The following PTPRM variants were observed in gnomAD, a reference collection of about 807,000 sequenced individuals.
PTPRM encodes the protein receptor-type tyrosine-protein phosphatase mu.
PTPRM carries 47 observed loss-of-function variants against 186.7 expected under a neutral mutation model. The ratio of observed to expected loss-of-function variants is 0.25; its 90% CI spans 0.20 to 0.32. The LOEUF (loss-of-function observed/expected upper bound fraction) is 0.32. PTPRM is among the 10% of genes least tolerant of loss of function. The pLI is 1.00. For synonymous variants in PTPRM, 668 were observed against 674.9 expected (o/e 0.99, Z 0.16); for missense variants, 1,494 against 1,865.0 (o/e 0.80, Z 3.66).
intron 19 of PTPRM, among the ~76,000 whole-genome samples, chr18:8,258,467 A>G (rs1250574367): frequency 6.6e-6 from 1 of 152,122 alleles, no homozygotes; most frequent in Non-Finnish European, 1.5e-5. Context: ...AAGTGGCTTG[A>G]TACCACGTCA....
Position 8,220,332 on chromosome 18 carries a change from A to G in PTPRM, c.2301-23726A>G, listed in dbSNP as rs150262856. ...CCAACTTGCTTTTTTGAGCATGCAG[A>G]CATTACATAATGCAAGCCATTTATC... On this transcript the variant is annotated intron_variant, in intron 14 of 32. Transcript: ENST00000580170. Among the ~76,000 whole-genome samples, 15 of 152,350 alleles carry G rather than the reference A, an allele frequency of 9.8e-5. No homozygotes were observed. The East Asian group carries it at 2.9e-3, about 29-fold the overall frequency.
At chr18:8,005,965 C>G (rs955456068) in intron 7 of PTPRM, among the ~76,000 whole-genome samples, 1 of 152,130 alleles carries the variant, frequency 6.6e-6, no homozygotes, top group African/African-American at 2.4e-5. Flanking sequence ...TGGAGCTCCA[C>G]GTGTTAAGCG....
At chr18:8,282,768 A>G (rs1396128528) in intron 19 of PTPRM, among the ~76,000 whole-genome samples, 1 of 152,150 alleles carries the variant, frequency 6.6e-6, no homozygotes, top group Non-Finnish European at 1.5e-5. Flanking sequence ...ATCCCCACAA[A>G]ACTCTGTAAA....
intron 13 of PTPRM, 33 bp downstream of exon 13, chr18:8,114,860 A>T (rs1484295329): frequency 6.3e-7 from 1 of 1,580,242 alleles, no homozygotes; most frequent in East Asian, 2.2e-5. Context: ...TCTCCTAATT[A>T]ATGTTCCTTA....
intron 7 of PTPRM, among the ~76,000 whole-genome samples, chr18:8,050,389 G>A (rs532017044): frequency 3.9e-5 from 6 of 152,204 alleles, no homozygotes; most frequent in East Asian, 1.9e-4. Flanking sequence ...ATAAGTTAGC[G>A]GGGAGTAACT....
At chr18:7,578,150 TATG>T (rs1216704176) in intron 1 of PTPRM, among the ~76,000 whole-genome samples, 1 of 151,544 alleles carries the variant, frequency 6.6e-6, no homozygotes. Flanking sequence ...TGATGATGAT[TATG>T]ATGATGATGA....
intron 19 of PTPRM, among the ~76,000 whole-genome samples, chr18:8,266,704 T>G (rs1208366117): frequency 3.3e-5 from 5 of 152,128 alleles, no homozygotes; most frequent in Non-Finnish European, 7.4e-5. Flanking sequence ...GGTGAGGAGT[T>G]TGAGACCAGC....
At chr18:7,932,393 C>T (rs564924512) in intron 5 of PTPRM, among the ~76,000 whole-genome samples, 2 of 152,164 alleles carry the variant, frequency 1.3e-5, no homozygotes, top group South Asian at 2.1e-4. Flanking sequence ...ATTTTATTGA[C>T]GAGAAAACAG....
At chr18:8,242,814 T>C (rs1222940041) in intron 14 of PTPRM, among the ~76,000 whole-genome samples, 1 of 152,218 alleles carries the variant, frequency 6.6e-6, no homozygotes, top group African/African-American at 2.4e-5. Flanking sequence ...GTGCCTTACA[T>C]TGCATTAGCA....
intron 2 of PTPRM, among the ~76,000 whole-genome samples, chr18:7,826,189 T>C (rs989061929): frequency 1.3e-5 from 2 of 152,236 alleles, no homozygotes; most frequent in African/African-American, 4.8e-5. Context: ...ACACGCTGCA[T>C]ATTGACTAAG....
intron 2 of PTPRM, among the ~76,000 whole-genome samples, chr18:7,828,541 C>T (rs1252605940): frequency 2.6e-5 from 4 of 152,226 alleles, no homozygotes; most frequent in Admixed American, 6.5e-5. Flanking sequence ...ATGGATGCCA[C>T]GTTGCCGTAT....
intron 5 of PTPRM, among the ~76,000 whole-genome samples, chr18:7,942,610 C>T (rs1274458315): frequency 7.5e-6 from 1 of 132,890 alleles, no homozygotes; most frequent in Non-Finnish European, 1.6e-5. Flanking sequence ...CAGAAAGGGG[C>T]AAGTGGAATT....
intron 1 of PTPRM, among the ~76,000 whole-genome samples, chr18:7,586,408 T>C (rs1174508058): frequency 6.6e-6 from 1 of 152,110 alleles, no homozygotes; most frequent in Non-Finnish European, 1.5e-5. Context: ...CAGGTTGATA[T>C]CTTTAGTTTG....
intron 7 of PTPRM, among the ~76,000 whole-genome samples, chr18:8,044,533 G>A (rs1872853400): frequency 1.3e-5 from 2 of 151,964 alleles, no homozygotes; most frequent in South Asian, 4.2e-4. Context: ...AAAGCGGGCG[G>A]ATCACCTGAG....
intron 14 of PTPRM, among the ~76,000 whole-genome samples, chr18:8,235,456 C>CTTT (rs58166609): frequency 9.7e-3 from 986 of 101,546 alleles, no homozygotes; most frequent in East Asian, 0.026. Context: ...TCTGTGTCTT[C>CTTT]TTTTTTTTTT....
intron 31 of PTPRM, among the ~76,000 whole-genome samples, chr18:8,387,735 A>AGAGTGTGTGTGT (rs10630450): frequency 6.6e-6 from 1 of 151,268 alleles, no homozygotes; most frequent in Non-Finnish European, 1.5e-5. Context: ...AAGGACCTGG[A>AGAGTGTGTGTGT]GTGTGTGTGT....
At chr18:7,571,729 G>A (rs2036570802) in intron 1 of PTPRM, among the ~76,000 whole-genome samples, 1 of 152,132 alleles carries the variant, frequency 6.6e-6, no homozygotes, top group African/African-American at 2.4e-5. Context: ...TCTGAATAAA[G>A]CCTGTAATTT....
intron 17 of PTPRM, among the ~76,000 whole-genome samples, chr18:8,248,869 G>A (rs12607791): frequency 0.08 from 12,133 of 152,194 alleles, 533 homozygotes; most frequent in Middle Eastern, 0.24. Context: ...GCCCGGTGGG[G>A]CAGAATGCAT....
At chr18:8,179,444 G>A (rs1030092338) in intron 14 of PTPRM, among the ~76,000 whole-genome samples, 2 of 149,004 alleles carry the variant, frequency 1.3e-5, no homozygotes, top group African/African-American at 2.5e-5. Context: ...TTTCTGACTT[G>A]TCCTAAATAT....
Sources: allele counts gnomAD v4.1 joint callset (sites outside exome capture counted in the v4.1 genomes callset), GRCh38; gene constraint gnomAD v4.1.1; transcripts MANE v1.5; gene names NCBI Gene and HGNC (gene_info 2026-07-23, HGNC 2026-07-21).